The following ACKR2 variants were observed in gnomAD, a reference collection of about 807,000 sequenced individuals.
ACKR2 encodes C-C chemokine receptor D6.
For missense variants in ACKR2, 457 were observed against 477.3 expected (o/e 0.96, Z 0.40); for synonymous variants, 207 against 192.2 (o/e 1.08, Z -0.64).
At chr3:42,840,959 G>A (rs9834527) in intron 2 of ACKR2, among the ~76,000 whole-genome samples, 2,355 of 152,260 alleles carry the variant, frequency 0.015, 61 homozygotes, top group African/African-American at 0.053. Context: ...CAAAGTGCTG[G>A]GATTACAGGT....
intron 2 of ACKR2, among the ~76,000 whole-genome samples, chr3:42,826,992 G>T (rs1475444797): frequency 6.6e-6 from 1 of 152,122 alleles, no homozygotes; most frequent in Non-Finnish European, 1.5e-5. Flanking sequence ...TTATTTAGGA[G>T]TGTGTTGTTT....
chr3:42,838,128 G>A (rs1701002892), intron 2 of ACKR2, among the ~76,000 whole-genome samples: 1 of 151,964 alleles, frequency 6.6e-6, no homozygotes, highest in African/African-American at 2.4e-5. Flanking sequence ...ATGACATTAG[G>A]GTAAGCAAAG....
intron 2 of ACKR2, among the ~76,000 whole-genome samples, chr3:42,841,948 A>G (rs1312953332): frequency 6.6e-6 from 1 of 152,164 alleles, no homozygotes; most frequent in South Asian, 2.1e-4. Flanking sequence ...ACCTGGCTCC[A>G]TCACTCCCTA....
intron 2 of ACKR2, chr3:42,851,342 G>A (rs976318332): frequency 4.1e-4 from 408 of 984,776 alleles, no homozygotes; most frequent in Non-Finnish European, 4.6e-4. Context: ...GGGGATGAGC[G>A]CATGGAAAGG....
At chr3:42,836,311 A>G (rs1478036325) in intron 2 of ACKR2, among the ~76,000 whole-genome samples, 1 of 152,228 alleles carries the variant, frequency 6.6e-6, no homozygotes, top group East Asian at 1.9e-4. Flanking sequence ...GATGAACCCT[A>G]GAGCTGCAAT....
intron 2 of ACKR2, among the ~76,000 whole-genome samples, chr3:42,829,469 A>G (rs1024747421): frequency 6.6e-6 from 1 of 152,206 alleles, no homozygotes; most frequent in African/African-American, 2.4e-5. Context: ...TGGTTGGCCC[A>G]GGGTGAGTCA....
At chr3:42,840,259 CAAAAAAAAAAAAAAA>C (rs34830187) in intron 2 of ACKR2, among the ~76,000 whole-genome samples, 1 of 34,652 alleles carries the variant, frequency 2.9e-5, no homozygotes, top group African/African-American at 1.1e-4. Context: ...GACTCCGTCT[CAAAAAAAAAAAAAAA>C]AAAAAAAAAA....
rs73077240 is a variant in ACKR2 at position 42,821,382 on chromosome 3, C to T, written c.-38+1671C>T. Among the ~76,000 whole-genome samples, 600 of 152,324 alleles carry T rather than the reference C, an allele frequency of 3.9e-3. 3 individuals carry two copies. The highest frequency in any genetic ancestry group is 0.01 in the Middle Eastern group (3 of 294). On this transcript the variant is annotated intron_variant, in intron 2 of 2. Coordinates refer to ENST00000422265, the MANE Select transcript of ACKR2 (RefSeq NM_001296.5). ...GTCTGCAATACGCCAACAGCACACG[C>T]ACACAGGAGTCCTGTTTAGCTCACT...
chr3:42,810,766 C>G (rs966585131), intron 1 of ACKR2, among the ~76,000 whole-genome samples: 2 of 152,334 alleles, frequency 1.3e-5, no homozygotes, highest in East Asian at 1.9e-4. Flanking sequence ...AAGAGACACC[C>G]CTCTGCGCAA....
At chr3:42,816,983 T>C (rs914895207) in intron 1 of ACKR2, among the ~76,000 whole-genome samples, 1 of 152,150 alleles carries the variant, frequency 6.6e-6, no homozygotes, top group Non-Finnish European at 1.5e-5. Context: ...AGGCCTGAAG[T>C]CAAAAGACAC....
intron 2 of ACKR2, among the ~76,000 whole-genome samples, chr3:42,859,070 G>A (rs751976709): frequency 3.9e-5 from 6 of 152,100 alleles, no homozygotes; most frequent in Non-Finnish European, 8.8e-5. Context: ...TGAAAGTGAC[G>A]GAGGGAATGG....
At chr3:42,826,577 T>G (rs1700867215) in intron 2 of ACKR2, among the ~76,000 whole-genome samples, 1 of 152,092 alleles carries the variant, frequency 6.6e-6, no homozygotes, top group South Asian at 2.1e-4. Flanking sequence ...TTTTCTATAG[T>G]GATTCTCTCT....
rs184291216 is a variant in ACKR2 at position 42,842,409 on chromosome 3, A to G, written c.-37-22057A>G. Among the ~76,000 whole-genome samples the G allele has an allele frequency of 5.9e-5, 9 of 152,348 alleles. No homozygotes were observed. In the East Asian group the frequency reaches 1.4e-3, roughly 23 times the overall value. The stretch of plus-strand genomic sequence containing the variant: ...ATAGAAGATATATTTATACAATAAT[A>G]CATAGTATAGGTGGTAGAGGGATGT... On this transcript the variant is annotated intron_variant, in intron 2 of 2. Transcript: ENST00000422265.
At chr3:42,851,967 C>T (rs1187596386) in intron 2 of ACKR2, among the ~76,000 whole-genome samples, 1 of 152,192 alleles carries the variant, frequency 6.6e-6, no homozygotes, top group Non-Finnish European at 1.5e-5. Flanking sequence ...CCCTGGATCT[C>T]CTCCCATGCA....
chr3:42,865,112 A>G lies in ACKR2; in HGVS notation c.610A>G (p.Thr204Ala), dbSNP rs2088422329. 6.2e-7 allele frequency: 1 copy of G among 1,613,808 alleles called. No individual in the cohort carries two copies. The highest frequency in any genetic ancestry group is 2.2e-5 in the East Asian group (1 of 44,864). Residue 204 changes from threonine (T) to alanine (A), a missense_variant, in exon 3 of 3, where the codon ACC (threonine) becomes GCC (alanine). Thr to Ala is a moderately conservative substitution (Grantham distance 58). Transcript: ENST00000422265. ...NCHADFGGHGTIWKLFLRFQQ... is the reference protein window; with the variant it reads ...NCHADFGGHGAIWKLFLRFQQ... The stretch of plus-strand genomic sequence containing the variant: ...CCACGCAGATTTCGGCGGGCATGGG[A>G]CCATTTGGAAGCTCTTCCTCCGCTT...
intron 2 of ACKR2, among the ~76,000 whole-genome samples, chr3:42,863,724 C>G (rs1228845640): frequency 6.6e-6 from 1 of 152,136 alleles, no homozygotes; most frequent in Non-Finnish European, 1.5e-5. Flanking sequence ...ATGGATGAAG[C>G]TGGAAGCCAT....
chr3:42,862,428 A>G (rs74504220), intron 2 of ACKR2, among the ~76,000 whole-genome samples: 40,914 of 152,146 alleles, frequency 0.27, 7,139 homozygotes, highest in East Asian at 0.6. Context: ...GAAAATGGCC[A>G]TACTGCCCAA....
intron 2 of ACKR2, among the ~76,000 whole-genome samples, chr3:42,826,487 A>G (rs979990540): frequency 1.3e-5 from 2 of 151,902 alleles, no homozygotes; most frequent in African/African-American, 4.8e-5. Context: ...TTGGTAGTTT[A>G]TGTCTTTCTA....
At chr3:42,827,336 A>C (rs192675923) in intron 2 of ACKR2, among the ~76,000 whole-genome samples, 132 of 152,330 alleles carry the variant, frequency 8.7e-4, no homozygotes, top group Non-Finnish European at 9.0e-4. Flanking sequence ...AGTAAAATGT[A>C]GTTTCTTCAT....
Sources: allele counts gnomAD v4.1 joint callset (sites outside exome capture counted in the v4.1 genomes callset), GRCh38; gene constraint gnomAD v4.1.1; transcripts MANE v1.5; gene names NCBI Gene and HGNC (gene_info 2026-07-23, HGNC 2026-07-21).